SLC35F3: variants seen among roughly 807,000 people sequenced by gnomAD.
SLC35F3 encodes solute carrier family 35 member F3.
Under a neutral mutation model 49.9 loss-of-function variants are expected in SLC35F3, and 25 were observed. That is an observed-to-expected ratio of 0.50 (90% CI 0.37 to 0.70). The LOEUF (loss-of-function observed/expected upper bound fraction) is 0.70, where lower values mean the gene tolerates loss of function less well. SLC35F3 is among the 30% of genes least tolerant of loss of function. The pLI is 0.00. For missense variants in SLC35F3, 525 were observed against 639.8 expected, an observed-to-expected ratio of 0.82 and a Z score of 1.94; for synonymous variants, 275 against 265.4, an observed-to-expected ratio of 1.04 and a Z score of -0.35.
intron 2 of SLC35F3, among the ~76,000 whole-genome samples, chr1:234,116,022 G>A (rs1010844688): frequency 1.3e-5 from 2 of 152,188 alleles, no homozygotes; most frequent in African/African-American, 2.4e-5. Context: ...AAAGGGGCAA[G>A]CAGTTGCATT....
intron 2 of SLC35F3, among the ~76,000 whole-genome samples, chr1:233,970,835 G>T (rs1243080574): frequency 3.3e-5 from 5 of 152,198 alleles, no homozygotes; most frequent in African/African-American, 1.2e-4. Flanking sequence ...AGCAGTGTGA[G>T]AGCATACATT....
rs1327825466 is a variant in SLC35F3, at chr1:233,929,964, G to T, written c.283+24206G>T. 3.9e-5 allele frequency among the ~76,000 whole-genome samples: 6 copies of T among 152,236 alleles called. No homozygotes were observed. The South Asian group carries it at 8.3e-4, about 21-fold the overall frequency. ...ATCAATCTGGCTGAGACCTATTCCT[G>T]GAGGTGAGGAAGATGACAGAAATAG... On this transcript the variant is annotated intron_variant, in intron 2 of 7. Transcript: ENST00000366618.
rs954822993 is a variant in SLC35F3 at position 234,074,667 on chromosome 1, G to T, written c.284-156750G>T. On this transcript the variant is annotated intron_variant, in intron 2 of 7. Coordinates refer to ENST00000366618, the MANE Select transcript of SLC35F3 (RefSeq NM_173508.4). ...TCATGATTTCTTAGAGGCAGAAGGT[G>T]ATCTTTTCTCAGAGGCATAGAGAAG... is the stretch of plus-strand genomic sequence containing the variant. Among the ~76,000 whole-genome samples the T allele has an allele frequency of 2.0e-5, 3 of 152,218 alleles. No individual in the cohort carries two copies. The South Asian group carries it at 6.2e-4, about 31-fold the overall frequency.
chr1:234,281,672 T>C (rs1668328224), intron 3 of SLC35F3, among the ~76,000 whole-genome samples: 1 of 152,158 alleles, frequency 6.6e-6, no homozygotes, highest in Non-Finnish European at 1.5e-5. Context: ...GGCAGCTCAG[T>C]TTTGTTCTTG....
At chr1:234,243,222 G>T (rs1667581277) in intron 3 of SLC35F3, among the ~76,000 whole-genome samples, 1 of 152,118 alleles carries the variant, frequency 6.6e-6, no homozygotes, top group African/African-American at 2.4e-5. Context: ...GGGCGTGGTG[G>T]TGCACACCTG....
intron 2 of SLC35F3, among the ~76,000 whole-genome samples, chr1:234,005,522 T>C (rs911298065): frequency 4.6e-5 from 7 of 152,210 alleles, no homozygotes; most frequent in African/African-American, 1.7e-4. Context: ...CTGCTGCTGC[T>C]GACGACAAAT....
At chr1:234,122,700 A>T (rs773669984) in intron 2 of SLC35F3, among the ~76,000 whole-genome samples, 14 of 151,994 alleles carry the variant, frequency 9.2e-5, no homozygotes, top group Non-Finnish European at 1.6e-4. Flanking sequence ...GCTCCCATTT[A>T]TGAGAACCTG....
chr1:234,090,006 A>G (rs77909604), intron 2 of SLC35F3, among the ~76,000 whole-genome samples: 2,650 of 152,354 alleles, frequency 0.017, 82 homozygotes, highest in African/African-American at 0.06. Context: ...TTTTAAGTAC[A>G]TGGAAAGGTA....
At chr1:233,991,579 A>C (rs1351809556) in intron 2 of SLC35F3, among the ~76,000 whole-genome samples, 2 of 152,162 alleles carry the variant, frequency 1.3e-5, no homozygotes. Context: ...AAAGCGATGA[A>C]CTTTGCCAGC....
chr1:234,315,192 C>G (rs895219189), intron 4 of SLC35F3, among the ~76,000 whole-genome samples: 17 of 152,160 alleles, frequency 1.1e-4, no homozygotes, highest in African/African-American at 4.1e-4. Flanking sequence ...TACACGACAA[C>G]CACCTGCTCT....
At chr1:234,279,627 C>T (rs776707698) in intron 3 of SLC35F3, among the ~76,000 whole-genome samples, 1 of 152,094 alleles carries the variant, frequency 6.6e-6, no homozygotes, top group Admixed American at 6.5e-5. Flanking sequence ...TCACTGAAAT[C>T]GTGCAGGGCT....
chr1:234,248,159 G>A (rs911683047), intron 3 of SLC35F3, among the ~76,000 whole-genome samples: 21 of 152,068 alleles, frequency 1.4e-4, no homozygotes, highest in African/African-American at 5.1e-4. Context: ...CAGTGGGTTG[G>A]TTGGCTGGTC....
At chr1:233,946,444 C>A (rs2102802074) in intron 2 of SLC35F3, among the ~76,000 whole-genome samples, 1 of 152,272 alleles carries the variant, frequency 6.6e-6, no homozygotes, top group South Asian at 2.1e-4. Context: ...GAATATAATC[C>A]AAGCTCTCTG....
intron 2 of SLC35F3, among the ~76,000 whole-genome samples, chr1:233,974,174 C>CTTTTTTTTTTTT (rs757673463): frequency 2.4e-5 from 2 of 83,096 alleles, no homozygotes; most frequent in Non-Finnish European, 4.4e-5. Flanking sequence ...ATTTCTATTT[C>CTTTTTTTTTTTT]TTTTTTTTTT....
chr1:234,231,833 G>C lies in SLC35F3; in HGVS notation c.608+92G>C. The C allele has an allele frequency of 7.8e-7, 1 of 1,278,286 alleles. No homozygotes were observed. The highest frequency in any genetic ancestry group is 1.4e-5 in the South Asian group (1 of 71,300). The allele number at this position is 1,278,286 out of a possible 1,614,324, so 79.2% of individuals were successfully genotyped here. The stretch of plus-strand genomic sequence containing the variant: ...AGCTGCCCCTGGTGGCAGGCGCTGG[G>C]ATGAGCCGGTGGGAGCCCGTGGAGA... On this transcript the variant is annotated intron_variant, in intron 3 of 7. Coordinates refer to ENST00000366618, the MANE Select transcript of SLC35F3 (RefSeq NM_173508.4). The surrounding 1 kb of genome is among the most constrained non-coding windows in gnomAD (Gnocchi z 5.4).
At chr1:234,192,558 A>G (rs1443977408) in intron 2 of SLC35F3, among the ~76,000 whole-genome samples, 19 of 152,190 alleles carry the variant, frequency 1.2e-4, no homozygotes, top group Non-Finnish European at 5.9e-5. Context: ...CACTCTCACT[A>G]CTTCTATTCA....
chr1:233,968,367 T>C (rs1662934184), intron 2 of SLC35F3, among the ~76,000 whole-genome samples: 1 of 152,190 alleles, frequency 6.6e-6, no homozygotes, highest in Non-Finnish European at 1.5e-5. Context: ...TTCCAACTTT[T>C]ATTTTAGATT....
chr1:234,052,510 T>C (rs899772189), intron 2 of SLC35F3, among the ~76,000 whole-genome samples: 1 of 152,210 alleles, frequency 6.6e-6, no homozygotes, highest in Admixed American at 6.5e-5. Context: ...TTATTGCATC[T>C]AGTTGATTCT....
At chr1:234,018,841 A>G (rs1265375667) in intron 2 of SLC35F3, among the ~76,000 whole-genome samples, 1 of 152,180 alleles carries the variant, frequency 6.6e-6, no homozygotes, top group African/African-American at 2.4e-5. Context: ...TTTCCTATAC[A>G]TTTGTTTAAG....
Sources: gnomAD v4.1 joint callset for allele counts (sites outside exome capture counted in the v4.1 genomes callset) on GRCh38, gnomAD v4.1.1 for gene constraint, Gnocchi (gnomAD v3.1) non-coding constraint, MANE v1.5 for transcripts, NCBI Gene and HGNC (gene_info 2026-07-23, HGNC 2026-07-21) for gene names.